EVI5: variants seen among roughly 807,000 people sequenced by gnomAD.
EVI5 encodes the protein ecotropic viral integration site 5 protein homolog.
A neutral mutation model predicts 112.0 loss-of-function variants in EVI5; 73 were observed. The ratio of observed to expected loss-of-function variants is 0.65; its 90% CI spans 0.54 to 0.79. The LOEUF (loss-of-function observed/expected upper bound fraction) is 0.79, where lower values mean the gene tolerates loss of function less well. Ranked by LOEUF, EVI5 falls within the 30% of genes least tolerant of loss-of-function variation. The pLI is 0.00. For missense variants in EVI5, 900 were observed against 968.8 expected, an observed-to-expected ratio of 0.93 and a Z score of 0.94; for synonymous variants, 305 against 319.9, an observed-to-expected ratio of 0.95 and a Z score of 0.50.
intron 1 of EVI5, among the ~76,000 whole-genome samples, chr1:92,760,386 C>G (rs560974553): frequency 1.3e-5 from 2 of 152,178 alleles, no homozygotes; most frequent in South Asian, 4.1e-4. Flanking sequence ...GGGTACTAGT[C>G]TTCCCTCCCT....
intron 18 of EVI5, among the ~76,000 whole-genome samples, chr1:92,568,040 A>T (rs1051107897): frequency 6.6e-6 from 1 of 152,144 alleles, no homozygotes; most frequent in Non-Finnish European, 1.5e-5. Context: ...TCTCATTTAC[A>T]TGGAACAATA....
At chr1:92,548,069 C>T (rs1666087008) in intron 19 of EVI5, among the ~76,000 whole-genome samples, 1 of 152,156 alleles carries the variant, frequency 6.6e-6, no homozygotes, top group African/African-American at 2.4e-5. Context: ...GACCAATATC[C>T]CTGATGAACA....
intron 1 of EVI5, among the ~76,000 whole-genome samples, chr1:92,773,715 G>A (rs181154486): frequency 6.6e-5 from 10 of 152,280 alleles, no homozygotes; most frequent in Non-Finnish European, 1.3e-4. Context: ...TCACATAGGT[G>A]TATAACTTTA....
chr1:92,697,786 G>T, intron 6 of EVI5, 74 bp downstream of exon 6: 2 of 1,181,132 alleles, frequency 1.7e-6, no homozygotes, highest in Non-Finnish European at 1.2e-6. Flanking sequence ...CATTAAATTT[G>T]CTTAGTTGGC....
chr1:92,666,332 G>A (rs1664878417), intron 10 of EVI5, among the ~76,000 whole-genome samples: 1 of 151,720 alleles, frequency 6.6e-6, no homozygotes, highest in Non-Finnish European at 1.5e-5. Context: ...ATGAGCCTGG[G>A]CAACAGGGTG....
At chr1:92,668,847 A>G (rs1665367711) in intron 10 of EVI5, among the ~76,000 whole-genome samples, 1 of 152,134 alleles carries the variant, frequency 6.6e-6, no homozygotes, top group Admixed American at 6.5e-5. Context: ...TAGCTTTGCT[A>G]TCTGTTTTAA....
chr1:92,539,220 G>C (rs1664373942), intron 19 of EVI5, among the ~76,000 whole-genome samples: 1 of 151,858 alleles, frequency 6.6e-6, no homozygotes, highest in African/African-American at 2.4e-5. Context: ...CTTTTTTTTA[G>C]GTGTCAAATC....
chr1:92,511,722 G>A lies in EVI5; in HGVS notation c.*1934C>T, dbSNP rs1220213747. 6.6e-6 allele frequency: 1 copy of A among 152,130 alleles called. No homozygotes were observed. Among genetic ancestry groups the A allele is most frequent in the Non-Finnish European group, 1.5e-5 (1 of 68,028 alleles). The allele number at this position is 152,130 out of a possible 1,614,324, so 9.4% of individuals were successfully genotyped here. On this transcript the variant is annotated 3_prime_UTR_variant, in exon 20 of 20. Transcript: ENST00000684568. ...CTTACTAGCTTGTAACCACAGATAA[G>A]TTATTTAACCACCAGAATTTAGCCT...
intron 13 of EVI5, among the ~76,000 whole-genome samples, chr1:92,662,172 C>T (rs986464458): frequency 1.3e-5 from 2 of 152,132 alleles, no homozygotes; most frequent in Admixed American, 6.5e-5. Context: ...ATCTTTGCAA[C>T]TTCTCTCCCT....
chr1:92,661,940 A>T (rs1228115170), intron 13 of EVI5, among the ~76,000 whole-genome samples: 1 of 152,128 alleles, frequency 6.6e-6, no homozygotes, highest in African/African-American at 2.4e-5. Context: ...ACAAGAAATA[A>T]TATGTTTTCA....
chr1:92,791,850 C>T (rs1376078859), intron 1 of EVI5, among the ~76,000 whole-genome samples: 2 of 152,036 alleles, frequency 1.3e-5, no homozygotes, highest in African/African-American at 4.8e-5. Flanking sequence ...CCAAACACGA[C>T]GGGAGGCAAC....
At position 92,535,879 on chromosome 1, in the gene EVI5, G is replaced by C. The variant is rs574964339; in HGVS notation, c.2167-21909C>G. Among the ~76,000 whole-genome samples the C allele has an allele frequency of 2.0e-5, 3 of 152,004 alleles. No individual in the cohort carries two copies. In the East Asian group the frequency reaches 5.8e-4, roughly 29 times the overall value. ...CCTATGTAACAAACCTGCACGTTCT[G>C]CACACGTACCCCAGAACTTACAGTA... On this transcript the variant is annotated intron_variant, in intron 19 of 19. Coordinates refer to ENST00000684568, the MANE Select transcript of EVI5 (RefSeq NM_001350197.2).
Position 92,726,466 on chromosome 1 carries a change from A to C in EVI5, c.149+9932T>G, listed in dbSNP as rs921361944. On this transcript the variant is annotated intron_variant, in intron 2 of 19. Coordinates refer to ENST00000684568, the MANE Select transcript of EVI5 (RefSeq NM_001350197.2). ...ATTAAATAGAATTCTATAGTCAAAGAAATATATGTAAAAATCAAAGCCAAA... is the reference window on the plus strand; with the variant it reads ...ATTAAATAGAATTCTATAGTCAAAGCAATATATGTAAAAATCAAAGCCAAA... Among the ~76,000 whole-genome samples the C allele has an allele frequency of 5.9e-5, 9 of 152,304 alleles. 1 individual carries two copies. The highest frequency in any genetic ancestry group is 3.9e-4 in the Admixed American group (6 of 15,302).
At chr1:92,559,455 ACT>A (rs71753358) in intron 19 of EVI5, among the ~76,000 whole-genome samples, 3,100 of 151,708 alleles carry the variant, frequency 0.02, 121 homozygotes, top group African/African-American at 0.07. Flanking sequence ...TGTCTGGAAT[ACT>A]CTTTCCACTG....
At chr1:92,675,378 GTC>G (rs1345449076) in intron 10 of EVI5, among the ~76,000 whole-genome samples, 1 of 152,138 alleles carries the variant, frequency 6.6e-6, no homozygotes, top group Non-Finnish European at 1.5e-5. Flanking sequence ...ATAGGTGAAA[GTC>G]TGCTAAAAAT....
chr1:92,778,908 C>T (rs1174683835), intron 1 of EVI5, among the ~76,000 whole-genome samples: 1 of 152,104 alleles, frequency 6.6e-6, no homozygotes, highest in Non-Finnish European at 1.5e-5. Flanking sequence ...GTAGCCACAC[C>T]TAATTTTTTT....
At chr1:92,533,163 C>T (rs1238717982) in intron 19 of EVI5, among the ~76,000 whole-genome samples, 1 of 152,092 alleles carries the variant, frequency 6.6e-6, no homozygotes, top group African/African-American at 2.4e-5. Flanking sequence ...CCATAAACAC[C>T]TCTATGCAAA....
At chr1:92,586,713 C>A (rs907199176) in intron 18 of EVI5, among the ~76,000 whole-genome samples, 1 of 149,348 alleles carries the variant, frequency 6.7e-6, no homozygotes, top group African/African-American at 2.5e-5. Flanking sequence ...TTCCTGTCCC[C>A]GTCCTAGAAT....
At chr1:92,514,122 TGTTA>T in intron 19 of EVI5, 152 bp from the exon 20 acceptor site, 1 of 365,922 alleles carries the variant, frequency 2.7e-6, no homozygotes, top group African/African-American at 7.1e-5. Context: ...GCCTTCTATG[TGTTA>T]TATATAATGG....
Sources: gnomAD v4.1 joint callset for allele counts (sites outside exome capture counted in the v4.1 genomes callset) on GRCh38, gnomAD v4.1.1 for gene constraint, MANE v1.5 for transcripts, NCBI Gene and HGNC (gene_info 2026-07-23, HGNC 2026-07-21) for gene names.